The following C4orf50 variants were observed in gnomAD, a reference collection of about 807,000 sequenced individuals.
The protein encoded by C4orf50 is chromosome 4 open reading frame 50, also known as uncharacterized protein C4orf50.
A neutral mutation model predicts 77.2 loss-of-function variants in C4orf50; 80 were observed. The ratio of observed to expected loss-of-function variants is 1.04; its 90% CI spans 0.87 to 1.25. C4orf50 has a LOEUF of 1.25. Among genes scored for constraint, C4orf50 ranks in the 50% most tolerant of loss-of-function variants. The probability of loss-of-function intolerance (pLI) is 0.00; values close to 1 mark genes in which losing one functional copy is unlikely to be tolerated. For missense variants in C4orf50, 1,257 were observed against 1,152.9 expected (o/e 1.09, Z -1.31); for synonymous variants, 532 against 465.3 (o/e 1.14, Z -1.84).
At chr4:5,968,598 C>T (rs1415726296) in intron 31 of C4orf50, among the ~76,000 whole-genome samples, 1 of 152,200 alleles carries the variant, frequency 6.6e-6, no homozygotes, top group Non-Finnish European at 1.5e-5. Context: ...GCCTTGAGAC[C>T]TTCACTCTAT....
intron 7 of C4orf50, among the ~76,000 whole-genome samples, chr4:5,934,235 G>T (rs115980312): frequency 0.023 from 3,544 of 152,206 alleles, 49 homozygotes; most frequent in South Asian, 0.035. Context: ...GGCGACACAG[G>T]AGTCACGGCT....
chr4:5,917,634 G>A (rs1001433574), intron 7 of C4orf50, among the ~76,000 whole-genome samples: 6 of 151,826 alleles, frequency 4.0e-5, no homozygotes, highest in Non-Finnish European at 5.9e-5. Context: ...GGATGGTCTC[G>A]ATCTCTTGAC....
chr4:5,966,228 C>A (rs920297981), intron 32 of C4orf50, among the ~76,000 whole-genome samples: 3 of 152,196 alleles, frequency 2.0e-5, no homozygotes, highest in African/African-American at 7.2e-5. Flanking sequence ...GTAATCCCAG[C>A]ACTTTGGGAG....
intron 23 of C4orf50, among the ~76,000 whole-genome samples, chr4:6,012,297 G>A (rs936259582): frequency 2.0e-5 from 3 of 152,102 alleles, no homozygotes; most frequent in Non-Finnish European, 4.4e-5. Flanking sequence ...TAACTTGGTG[G>A]TTTCAATGAA....
intron 7 of C4orf50, among the ~76,000 whole-genome samples, chr4:5,918,217 A>G (rs75224130): frequency 0.054 from 8,196 of 152,258 alleles, 374 homozygotes; most frequent in African/African-American, 0.12. Flanking sequence ...AGCTTCAGTT[A>G]TCACACAGCA....
chr4:5,976,542 C>T (rs1442983237), intron 29 of C4orf50, among the ~76,000 whole-genome samples: 2 of 151,752 alleles, frequency 1.3e-5, no homozygotes, highest in African/African-American at 4.8e-5. Flanking sequence ...TCTGAGTCTC[C>T]AGGCAGCCTG....
intron 23 of C4orf50, among the ~76,000 whole-genome samples, chr4:6,016,582 G>C (rs190028258): frequency 6.6e-6 from 1 of 152,152 alleles, no homozygotes; most frequent in East Asian, 1.9e-4. Context: ...AAAACAAATT[G>C]GTTTTGTTGT....
intron 30 of C4orf50, among the ~76,000 whole-genome samples, chr4:5,975,161 A>C (rs1291118228): frequency 2.2e-4 from 25 of 114,062 alleles, no homozygotes; most frequent in African/African-American, 8.8e-4. Context: ...AAAAAAAAAA[A>C]AAAAAAAAAA....
At chr4:5,993,746 G>C (rs1347271238) in intron 26 of C4orf50, among the ~76,000 whole-genome samples, 1 of 149,488 alleles carries the variant, frequency 6.7e-6, no homozygotes. Context: ...GAACCCGGGA[G>C]CTTGAGGTTG....
At chr4:5,984,888 G>A (rs2108785222) in intron 28 of C4orf50, among the ~76,000 whole-genome samples, 1 of 150,866 alleles carries the variant, frequency 6.6e-6, no homozygotes, top group Middle Eastern at 3.5e-3. Context: ...AAACAAGCAG[G>A]ACAAAAACAA....
intron 7 of C4orf50, among the ~76,000 whole-genome samples, chr4:5,913,597 G>A (rs138937467): frequency 2.0e-5 from 3 of 152,044 alleles, no homozygotes; most frequent in African/African-American, 4.8e-5. Flanking sequence ...TTTCACTTTC[G>A]CTGTCCTTAA....
chr4:6,016,709 G>A (rs1264560306), intron 23 of C4orf50, among the ~76,000 whole-genome samples: 3 of 152,182 alleles, frequency 2.0e-5, no homozygotes, highest in Admixed American at 6.5e-5. Flanking sequence ...ATGACTCTCG[G>A]AGGGTAAGTG....
chr4:5,977,696 G>A lies in C4orf50; in HGVS notation c.3865-1741C>T, dbSNP rs777759748. Among the ~76,000 whole-genome samples, 3 of 152,130 alleles carry A rather than the reference G, an allele frequency of 2.0e-5. No homozygotes were observed. In the South Asian group the frequency reaches 6.2e-4, roughly 32 times the overall value. On this transcript the variant is annotated intron_variant, in intron 29 of 33. Transcript: ENST00000531445. ...TCTGTTTTGGCACAGCATTCCTAACGTATTCAAAGAGTAAAATTCCAGCCT... is the reference window on the plus strand; with the variant it reads ...TCTGTTTTGGCACAGCATTCCTAACATATTCAAAGAGTAAAATTCCAGCCT...
chr4:5,921,639 G>T (rs1346864844), intron 7 of C4orf50, among the ~76,000 whole-genome samples: 1 of 152,124 alleles, frequency 6.6e-6, no homozygotes, highest in Admixed American at 6.5e-5. Flanking sequence ...GCCACCGGGT[G>T]GGTAAGTTGG....
chr4:5,968,229 C>A (rs1189414941), intron 31 of C4orf50, among the ~76,000 whole-genome samples: 1 of 152,194 alleles, frequency 6.6e-6, no homozygotes, highest in Non-Finnish European at 1.5e-5. Context: ...GATGTCAAGG[C>A]CCAATTCAAA....
intron 7 of C4orf50, among the ~76,000 whole-genome samples, chr4:5,945,258 C>T (rs942013199): frequency 3.9e-5 from 6 of 152,132 alleles, no homozygotes; most frequent in Admixed American, 1.3e-4. Context: ...TGCCTGGCAC[C>T]GGCATGACAT....
At chr4:5,899,480 T>C (rs1463304291) in intron 7 of C4orf50, 1 of 152,244 alleles carries the variant, frequency 6.6e-6, no homozygotes, top group Non-Finnish European at 1.5e-5. Context: ...ATGCATTTCA[T>C]TTCTTTAAGA....
chr4:5,915,347 C>G (rs1003494350), intron 7 of C4orf50, among the ~76,000 whole-genome samples: 1 of 152,214 alleles, frequency 6.6e-6, no homozygotes, highest in African/African-American at 2.4e-5. Flanking sequence ...CCGTTATGTG[C>G]ACACATGCTA....
At chr4:5,903,464 T>C (rs1716421803) in intron 7 of C4orf50, 1 of 152,130 alleles carries the variant, frequency 6.6e-6, no homozygotes, top group African/African-American at 2.4e-5. Flanking sequence ...TTATTCAGCC[T>C]TAAAAAGGAA....
Sources: gnomAD v4.1 joint callset for allele counts (sites outside exome capture counted in the v4.1 genomes callset) on GRCh38, gnomAD v4.1.1 for gene constraint, MANE v1.5 for transcripts, NCBI Gene and HGNC (gene_info 2026-07-23, HGNC 2026-07-21) for gene names.